Variants in UBE2D3 observed in about 807,000 individuals in gnomAD.
The protein encoded by UBE2D3 is ubiquitin conjugating enzyme E2 D3.
UBE2D3 carries 2 observed loss-of-function variants against 22.8 expected under a neutral mutation model. The observed-to-expected ratio is 0.09, with a 90% CI of 0.04 to 0.28. UBE2D3 has a LOEUF of 0.28. UBE2D3 is among the 10% of genes least tolerant of loss of function. UBE2D3 has a pLI of 1.00. For synonymous variants in UBE2D3, 56 were observed against 60.4 expected (o/e 0.93, Z 0.34); for missense variants, 27 against 182.5 (o/e 0.15, Z 4.91).
At chr4:102,837,913 C>A (rs1366379604) in intron 1 of UBE2D3, among the ~76,000 whole-genome samples, 1 of 152,068 alleles carries the variant, frequency 6.6e-6, no homozygotes, top group East Asian at 1.9e-4. Flanking sequence ...GAGATTGCGC[C>A]ACTGCACTCA....
At chr4:102,851,844 T>C (rs891675534) in intron 1 of UBE2D3, among the ~76,000 whole-genome samples, 5 of 151,980 alleles carry the variant, frequency 3.3e-5, no homozygotes, top group Admixed American at 1.3e-4. Flanking sequence ...TTTTTTTGTA[T>C]TTTTAGTAGA....
At chr4:102,848,437 G>C (rs1197165014) in intron 1 of UBE2D3, among the ~76,000 whole-genome samples, 1 of 152,138 alleles carries the variant, frequency 6.6e-6, no homozygotes, top group Non-Finnish European at 1.5e-5. Context: ...CTGAGGTCAG[G>C]AGTTCAAGAC....
intron 1 of UBE2D3, among the ~76,000 whole-genome samples, chr4:102,848,225 A>G (rs1355479164): frequency 6.6e-6 from 1 of 152,078 alleles, no homozygotes; most frequent in African/African-American, 2.4e-5. Context: ...TACAACTGCA[A>G]ACTGGCTGGG....
upstream of UBE2D3, among the ~76,000 whole-genome samples, chr4:102,832,393 C>T (rs1731160096): frequency 6.6e-6 from 1 of 151,726 alleles, no homozygotes; most frequent in African/African-American, 2.4e-5. Context: ...TCTTGAGGGC[C>T]TTTTATTTTG....
chr4:102,830,834 C>G (rs1246208191), upstream of UBE2D3, among the ~76,000 whole-genome samples: 4 of 152,130 alleles, frequency 2.6e-5, no homozygotes, highest in African/African-American at 7.2e-5. Context: ...CCACTATACT[C>G]AAGCCTGTGA....
At chr4:102,837,611 C>T (rs1731479858) in intron 1 of UBE2D3, among the ~76,000 whole-genome samples, 1 of 151,896 alleles carries the variant, frequency 6.6e-6, no homozygotes, top group Non-Finnish European at 1.5e-5. Context: ...TCGCTTGGGC[C>T]CAGGAGTTTG....
At chr4:102,863,466 C>T (rs1426967145) in intron 1 of UBE2D3, among the ~76,000 whole-genome samples, 2 of 152,108 alleles carry the variant, frequency 1.3e-5, no homozygotes, top group Non-Finnish European at 2.9e-5. Context: ...AAACACCTCC[C>T]ACTAGGCCCT....
At chr4:102,847,726 C>G (rs1732111310) in intron 1 of UBE2D3, among the ~76,000 whole-genome samples, 1 of 152,108 alleles carries the variant, frequency 6.6e-6, no homozygotes, top group African/African-American at 2.4e-5. Context: ...TTACGGCAGC[C>G]TCAAACTCCT....
chr4:102,859,722 TG>T (rs1236051200), intron 1 of UBE2D3, among the ~76,000 whole-genome samples: 1 of 151,934 alleles, frequency 6.6e-6, no homozygotes, highest in Non-Finnish European at 1.5e-5. Flanking sequence ...TTCCTTTGAC[TG>T]GATAATATCA....
chr4:102,819,113 C>G (rs1729183258), intron 2 of UBE2D3, among the ~76,000 whole-genome samples: 2 of 152,072 alleles, frequency 1.3e-5, no homozygotes, highest in Admixed American at 1.3e-4. Flanking sequence ...GGCGGATCAC[C>G]TGAGGTCAGG....
intron 2 of UBE2D3, chr4:102,825,751 C>CTT (rs751920479): frequency 2.1e-6 from 1 of 479,210 alleles, no homozygotes; most frequent in Non-Finnish European, 4.0e-6. Context: ...CATCGCACCC[C>CTT]TTATCCACCC....
intron 1 of UBE2D3, among the ~76,000 whole-genome samples, chr4:102,849,202 T>C (rs1261913153): frequency 6.9e-6 from 1 of 144,110 alleles, no homozygotes; most frequent in Non-Finnish European, 1.5e-5. Flanking sequence ...ACCCCACTTC[T>C]ACAAAAAAAA....
At chr4:102,819,565 G>A in intron 2 of UBE2D3, 1 of 985,318 alleles carries the variant, frequency 1.0e-6, no homozygotes, top group Non-Finnish European at 1.2e-6. Context: ...AAGGTTTTAA[G>A]TGTCAACCCT....
chr4:102,822,684 C>G (rs1329754287), intron 2 of UBE2D3, among the ~76,000 whole-genome samples: 1 of 150,566 alleles, frequency 6.6e-6, no homozygotes. Flanking sequence ...GCCTGTAATC[C>G]CAGCACTTTG....
At chr4:102,837,466 T>C (rs1270682084) in intron 1 of UBE2D3, among the ~76,000 whole-genome samples, 3 of 152,228 alleles carry the variant, frequency 2.0e-5, no homozygotes, top group African/African-American at 7.2e-5. Flanking sequence ...TGTGGTGCCA[T>C]TTTTCCAACA....
intron 7 of UBE2D3, among the ~76,000 whole-genome samples, chr4:102,798,736 G>A (rs223437): frequency 0.57 from 85,787 of 150,466 alleles, 25,682 homozygotes; most frequent in African/African-American, 0.77. Context: ...TTGCCATGCA[G>A]TACTTTCAAG....
intron 6 of UBE2D3, among the ~76,000 whole-genome samples, chr4:102,801,082 A>G (rs1726085591): frequency 6.6e-6 from 1 of 152,022 alleles, no homozygotes; most frequent in Admixed American, 6.6e-5. Context: ...AAACCTCAGG[A>G]TTCAAAAGCT....
intron 1 of UBE2D3, among the ~76,000 whole-genome samples, chr4:102,849,204 CAAAA>C (rs58647832): frequency 7.0e-6 from 1 of 143,590 alleles, no homozygotes; most frequent in East Asian, 2.0e-4. Context: ...CCCACTTCTA[CAAAA>C]AAAAAACTAG....
chr4:102,795,403 A>C lies in UBE2D3; in HGVS notation c.*2012T>G, dbSNP rs1020796511. 2 of 152,112 alleles carry C rather than the reference A, an allele frequency of 1.3e-5. No homozygotes were observed. The highest frequency in any genetic ancestry group is 2.9e-5 in the Non-Finnish European group (2 of 67,948). 9.4% of individuals were successfully genotyped at this position (152,112 alleles called of 1,614,324 possible). On this transcript the variant is annotated 3_prime_UTR_variant, in exon 8 of 8. Transcript: ENST00000453744. ...ATCTCAGAAGTAATTTTGAAAATAG[A>C]GCCAAAGAGCAGTTTTTCTTACCTT...
Sources: gnomAD v4.1 joint callset for allele counts (sites outside exome capture counted in the v4.1 genomes callset) on GRCh38, gnomAD v4.1.1 for gene constraint, MANE v1.5 for transcripts, NCBI Gene and HGNC (gene_info 2026-07-23, HGNC 2026-07-21) for gene names.